Variants in FBXW7 observed in about 807,000 individuals in gnomAD.
The protein encoded by FBXW7 is F-box and WD repeat domain containing 7, also known as F-box/WD repeat-containing protein 7.
Under a neutral mutation model 86.3 loss-of-function variants are expected in FBXW7, and 11 were observed. That is an observed-to-expected ratio of 0.13 (90% CI 0.08 to 0.21). FBXW7 has a LOEUF of 0.21. FBXW7 is among the 10% of genes least tolerant of loss of function. The probability of loss-of-function intolerance (pLI) is 1.00; values close to 1 mark genes in which losing one functional copy is unlikely to be tolerated. For synonymous variants in FBXW7, 313 were observed against 297.9 expected, an observed-to-expected ratio of 1.05 and a Z score of -0.52; for missense variants, 488 against 847.4, an observed-to-expected ratio of 0.58 and a Z score of 5.27.
intron 2 of FBXW7, among the ~76,000 whole-genome samples, chr4:152,419,497 ACACACAC>A (rs1560874945): frequency 2.1e-4 from 30 of 145,220 alleles, no homozygotes; most frequent in East Asian, 4.4e-4. Flanking sequence ...TAAGGTAAAC[ACACACAC>A]ACACACACAC....
chr4:152,373,888 G>A (rs945098305), intron 4 of FBXW7, among the ~76,000 whole-genome samples: 5 of 152,052 alleles, frequency 3.3e-5, no homozygotes, highest in African/African-American at 7.2e-5. Context: ...AAAGAAAACC[G>A]ACAATTACAT....
intron 4 of FBXW7, among the ~76,000 whole-genome samples, chr4:152,364,686 A>C (rs892961434): frequency 2.0e-5 from 3 of 152,182 alleles, no homozygotes; most frequent in African/African-American, 7.2e-5. Context: ...CCTGTTTCTT[A>C]ACTTCATTAC....
intron 4 of FBXW7, among the ~76,000 whole-genome samples, chr4:152,399,050 T>C (rs1324782696): frequency 1.3e-5 from 2 of 152,140 alleles, no homozygotes; most frequent in Non-Finnish European, 2.9e-5. Context: ...ATAAGCAAGA[T>C]ACAAAATTTA....
intron 4 of FBXW7, among the ~76,000 whole-genome samples, chr4:152,361,378 T>TAA (rs200195425): frequency 2.6e-5 from 4 of 151,568 alleles, no homozygotes; most frequent in Admixed American, 2.0e-4. Context: ...TTATTTGCTT[T>TAA]AAAAAAAAAT....
At chr4:152,420,690 T>C (rs1738862598) in intron 2 of FBXW7, among the ~76,000 whole-genome samples, 1 of 152,194 alleles carries the variant, frequency 6.6e-6, no homozygotes, top group South Asian at 2.1e-4. Context: ...AGTTCTTGGG[T>C]TACCAGGTGC....
intron 2 of FBXW7, among the ~76,000 whole-genome samples, chr4:152,438,398 C>T (rs1579200142): frequency 6.6e-6 from 1 of 151,994 alleles, no homozygotes; most frequent in East Asian, 1.9e-4. Context: ...CAAAAAGTGG[C>T]CAGGCACGGT....
At chr4:152,435,783 T>C (rs1437913114) in intron 2 of FBXW7, among the ~76,000 whole-genome samples, 3 of 152,236 alleles carry the variant, frequency 2.0e-5, no homozygotes, top group Admixed American at 6.5e-5. Context: ...GTTGAGCAAG[T>C]CTATCAGCAC....
intron 2 of FBXW7, among the ~76,000 whole-genome samples, chr4:152,469,265 T>C (rs922890116): frequency 6.6e-6 from 1 of 152,120 alleles, no homozygotes; most frequent in Non-Finnish European, 1.5e-5. Flanking sequence ...TAAAATCTAT[T>C]ATGATTAACC....
chr4:152,354,867 T>A (rs1017469579), intron 4 of FBXW7, among the ~76,000 whole-genome samples: 1 of 152,142 alleles, frequency 6.6e-6, no homozygotes, highest in Non-Finnish European at 1.5e-5. Flanking sequence ...CACTGAGAAG[T>A]CTTTCTACTA....
chr4:152,511,961 G>GA (rs1409090502), intron 2 of FBXW7, among the ~76,000 whole-genome samples: 1 of 151,876 alleles, frequency 6.6e-6, no homozygotes. Context: ...AAAAGACTCA[G>GA]AAAAAAACAA....
Position 152,337,945 on chromosome 4 carries a change from G to C in FBXW7, c.727-9C>G. ...TCTGGTCCACTCCAGCTCTATCAAA[G>C]AGAATTAGAAATTTTTATTGTTTTA... is the stretch of plus-strand genomic sequence containing the variant. On this transcript the variant is annotated splice_polypyrimidine_tract_variant and intron_variant, in intron 6 of 13. Coordinates refer to ENST00000281708, the MANE Select transcript of FBXW7 (RefSeq NM_001349798.2). The C allele has an allele frequency of 6.3e-7, 1 of 1,590,216 alleles. No homozygotes were observed. The highest frequency in any genetic ancestry group is 8.5e-7 in the Non-Finnish European group (1 of 1,173,386).
At chr4:152,435,343 C>T (rs145016843) in intron 2 of FBXW7, among the ~76,000 whole-genome samples, 133 of 152,166 alleles carry the variant, frequency 8.7e-4, no homozygotes, top group Admixed American at 7.5e-3. Flanking sequence ...TTTTGTATAA[C>T]GGCCCTTAAT....
At chr4:152,454,917 T>C (rs1462959592) in intron 2 of FBXW7, among the ~76,000 whole-genome samples, 4 of 152,072 alleles carry the variant, frequency 2.6e-5, no homozygotes, top group South Asian at 2.1e-4. Flanking sequence ...AAAGCATATA[T>C]CTAAATAAAA....
At chr4:152,418,875 A>G (rs1341034065) in intron 2 of FBXW7, among the ~76,000 whole-genome samples, 2 of 152,190 alleles carry the variant, frequency 1.3e-5, no homozygotes, top group East Asian at 1.9e-4. Context: ...TGATATGTGC[A>G]GTAAGAAACA....
chr4:152,477,955 T>G (rs1212690785), intron 2 of FBXW7, among the ~76,000 whole-genome samples: 1 of 152,142 alleles, frequency 6.6e-6, no homozygotes, highest in Admixed American at 6.6e-5. Context: ...AAAATGCATA[T>G]AATTTTTAAT....
intron 2 of FBXW7, among the ~76,000 whole-genome samples, chr4:152,439,551 A>C (rs2126977900): frequency 6.6e-6 from 1 of 152,254 alleles, no homozygotes; most frequent in South Asian, 2.1e-4. Context: ...CTGTTATATA[A>C]CAAAAGTAAC....
At chr4:152,429,922 T>C (rs79359325) in intron 2 of FBXW7, among the ~76,000 whole-genome samples, 2,085 of 152,300 alleles carry the variant, frequency 0.014, 25 homozygotes, top group Middle Eastern at 0.037. Context: ...GTATCTTGAG[T>C]AGCTAAATTG....
At chr4:152,364,828 T>G (rs1651136773) in intron 4 of FBXW7, among the ~76,000 whole-genome samples, 1 of 152,174 alleles carries the variant, frequency 6.6e-6, no homozygotes, top group South Asian at 2.1e-4. Flanking sequence ...ACACTTTGTC[T>G]CAAGTATCTC....
intron 2 of FBXW7, among the ~76,000 whole-genome samples, chr4:152,491,980 C>T (rs756798554): frequency 4.6e-5 from 7 of 152,262 alleles, no homozygotes; most frequent in South Asian, 2.1e-4. Flanking sequence ...TAACACACAC[C>T]TCTATGAGAT....
Sources: gnomAD v4.1 joint callset for allele counts (sites outside exome capture counted in the v4.1 genomes callset) on GRCh38, gnomAD v4.1.1 for gene constraint, MANE v1.5 for transcripts, NCBI Gene and HGNC (gene_info 2026-07-23, HGNC 2026-07-21) for gene names.